Variants in SNTA1 observed in about 807,000 individuals in gnomAD.
The protein encoded by SNTA1 is alpha-1-syntrophin.
Under a neutral mutation model 47.1 loss-of-function variants are expected in SNTA1, and 31 were observed. The ratio of observed to expected loss-of-function variants is 0.66; its 90% CI spans 0.49 to 0.89. The LOEUF (loss-of-function observed/expected upper bound fraction) is 0.89. Among genes scored for constraint, SNTA1 ranks in the 40% least tolerant of loss-of-function variants. The probability of loss-of-function intolerance (pLI) is 0.00; values close to 1 mark genes in which losing one functional copy is unlikely to be tolerated. For synonymous variants in SNTA1, 300 were observed against 313.6 expected (o/e 0.96, Z 0.46); for missense variants, 575 against 693.0 (o/e 0.83, Z 1.91).
At chr20:33,426,099 A>T (rs951984064) in intron 2 of SNTA1, among the ~76,000 whole-genome samples, 4 of 150,300 alleles carry the variant, frequency 2.7e-5, no homozygotes, top group African/African-American at 7.4e-5. Flanking sequence ...ATAAAACATT[A>T]AAAAAAAATA....
chr20:33,426,723 T>C (rs1215131609), intron 2 of SNTA1, among the ~76,000 whole-genome samples: 3 of 150,526 alleles, frequency 2.0e-5, no homozygotes, highest in African/African-American at 4.9e-5. Flanking sequence ...GATCGTGACA[T>C]TGCACTCCAG....
In SNTA1 at chr20:33,417,957, G is replaced by A. The variant is rs373490547; in HGVS notation, c.497-34C>T. On this transcript the variant is annotated intron_variant, in intron 2 of 7. Coordinates refer to ENST00000217381, the MANE Select transcript of SNTA1 (RefSeq NM_003098.3). ...GAGAGACATCAGCAGTCACCACTGT[G>A]ACATGGGCTCCCAGCACATATCACA... 1.6e-4 allele frequency: 225 copies of A among 1,393,912 alleles called. 1 individual carries two copies. The highest frequency in any genetic ancestry group is 7.0e-4 in the Middle Eastern group (4 of 5,690). The allele number at this position is 1,393,912 out of a possible 1,614,324, so 86.3% of individuals were successfully genotyped here. A position where few individuals can be genotyped will look rare whatever the true frequency, so the allele number is the denominator to read the frequency against.
In SNTA1 at chr20:33,408,143, C is replaced by G; in HGVS notation, c.*364G>C. ...GGTACTCCAGCTTCAGATGGGACCT[C>G]TGGGGGTGGCTTAGGGGCCTCGAGG... On this transcript the variant is annotated 3_prime_UTR_variant, in exon 8 of 8. Coordinates refer to ENST00000217381, the MANE Select transcript of SNTA1 (RefSeq NM_003098.3). 1 of 335,796 alleles carries G rather than the reference C, an allele frequency of 3.0e-6. No homozygotes were observed. Among genetic ancestry groups the G allele is most frequent in the East Asian group, 6.6e-5 (1 of 15,230 alleles). The allele number at this position is 335,796 out of a possible 1,614,324, so 20.8% of individuals were successfully genotyped here.
At chr20:33,440,038 T>A (rs1293470883) in intron 1 of SNTA1, among the ~76,000 whole-genome samples, 2 of 151,934 alleles carry the variant, frequency 1.3e-5, no homozygotes, top group Non-Finnish European at 2.9e-5. Flanking sequence ...GGCAGGAGAA[T>A]CACTTGGACC....
At chr20:33,437,354 G>T (rs1366049146) in intron 2 of SNTA1, among the ~76,000 whole-genome samples, 1 of 151,032 alleles carries the variant, frequency 6.6e-6, no homozygotes, top group African/African-American at 2.4e-5. Flanking sequence ...TTGAGCCCCG[G>T]GGGGTGGAGG....
At chr20:33,411,170 C>T (rs547197580) in intron 5 of SNTA1, among the ~76,000 whole-genome samples, 6 of 152,192 alleles carry the variant, frequency 3.9e-5, no homozygotes, top group South Asian at 4.1e-4. Flanking sequence ...CAGTTCCCCC[C>T]GCCACAGACT....
chr20:33,421,883 G>A (rs1198315855), intron 2 of SNTA1, among the ~76,000 whole-genome samples: 2 of 146,816 alleles, frequency 1.4e-5, no homozygotes, highest in South Asian at 2.1e-4. Flanking sequence ...CTTGAGCCCA[G>A]GAGGCAGAGG....
chr20:33,413,622 AG>A (rs1358491688), intron 3 of SNTA1, among the ~76,000 whole-genome samples: 1 of 149,514 alleles, frequency 6.7e-6, no homozygotes, highest in African/African-American at 2.5e-5. Context: ...TAATAAGAGC[AG>A]GGGAAAAAAA....
rs1989645027 is a variant in SNTA1, at chr20:33,408,324, C to G, written c.*183G>C. On this transcript the variant is annotated 3_prime_UTR_variant, in exon 8 of 8. Coordinates refer to ENST00000217381, the MANE Select transcript of SNTA1 (RefSeq NM_003098.3). Reference sequence around the variant, plus strand: ...CACCCCATCACAGGCAGAGTCCACTCTGTCCTGCGTCTGGGTCCTGGGCCC... The same window carrying G: ...CACCCCATCACAGGCAGAGTCCACTGTGTCCTGCGTCTGGGTCCTGGGCCC... 1.6e-6 allele frequency: 1 copy of G among 644,984 alleles called. No homozygotes were observed. Among genetic ancestry groups the G allele is most frequent in the South Asian group, 1.7e-5 (1 of 58,582 alleles). 40.0% of individuals were successfully genotyped at this position (644,984 alleles called of 1,614,324 possible).
intron 2 of SNTA1, among the ~76,000 whole-genome samples, chr20:33,436,430 C>T (rs555097921): frequency 6.6e-6 from 1 of 152,226 alleles, no homozygotes; most frequent in East Asian, 1.9e-4. Flanking sequence ...GGGAAAGTCT[C>T]TTATATCCAT....
chr20:33,435,682 T>G (rs1357636469), intron 2 of SNTA1, among the ~76,000 whole-genome samples: 1 of 152,100 alleles, frequency 6.6e-6, no homozygotes, highest in African/African-American at 2.4e-5. Flanking sequence ...AGGCCCTGGG[T>G]GTAGTTTAGC....
intron 2 of SNTA1, among the ~76,000 whole-genome samples, chr20:33,425,184 G>A (rs1024541842): frequency 2.0e-5 from 3 of 152,096 alleles, no homozygotes; most frequent in African/African-American, 7.2e-5. Context: ...GGCTGAGATG[G>A]GAGGATCACT....
intron 2 of SNTA1, among the ~76,000 whole-genome samples, chr20:33,431,875 C>G (rs1990316709): frequency 6.6e-6 from 1 of 152,174 alleles, no homozygotes; most frequent in Admixed American, 6.6e-5. Flanking sequence ...TTTCCTCCAC[C>G]ACCAGCAGCA....
chr20:33,417,582 C>A (rs936411950), intron 3 of SNTA1, 137 bp downstream of exon 3: 21 of 692,634 alleles, frequency 3.0e-5, no homozygotes, highest in Non-Finnish European at 4.4e-5. Context: ...GGCTTCCAGT[C>A]AATCTATTTT....
In SNTA1 at chr20:33,438,853, C is replaced by T. The variant is rs1182058551; in HGVS notation, c.484G>A (p.Val162Met). 6.2e-7 allele frequency: 1 copy of T among 1,613,898 alleles called. No homozygotes were observed. Among genetic ancestry groups the T allele is most frequent in the South Asian group, 1.1e-5 (1 of 91,076 alleles). ...VQVLKKTGKEVVLEVKYMKDV... is the reference protein window; with the variant it reads ...VQVLKKTGKEMVLEVKYMKDV... ...CGTCAGTGCTTACCCTCCAGCACCA[C>T]CTCCTTGCCTGTCTTCTTGAGGACC... Residue 162 changes from valine to methionine, a missense_variant, in exon 2 of 8, where the codon GTG (valine) becomes ATG (methionine). Coordinates refer to ENST00000217381, the MANE Select transcript of SNTA1 (RefSeq NM_003098.3).
At chr20:33,428,957 C>T (rs1009186337) in intron 2 of SNTA1, among the ~76,000 whole-genome samples, 4 of 151,924 alleles carry the variant, frequency 2.6e-5, no homozygotes, top group Non-Finnish European at 4.4e-5. Context: ...AGGAAAACTG[C>T]TTGAACCTGA....
intron 2 of SNTA1, among the ~76,000 whole-genome samples, chr20:33,420,909 G>T (rs748855793): frequency 6.6e-6 from 1 of 151,044 alleles, no homozygotes; most frequent in Non-Finnish European, 1.5e-5. Flanking sequence ...GCTTGAACCC[G>T]GGAGGCGGAG....
At chr20:33,416,376 T>A (rs1432236546) in intron 3 of SNTA1, among the ~76,000 whole-genome samples, 1 of 152,182 alleles carries the variant, frequency 6.6e-6, no homozygotes, top group East Asian at 1.9e-4. Flanking sequence ...CCAAATATGC[T>A]CCATTTAGCC....
At chr20:33,411,914 G>T (rs879675745) in intron 5 of SNTA1, among the ~76,000 whole-genome samples, 1 of 152,068 alleles carries the variant, frequency 6.6e-6, no homozygotes, top group African/African-American at 2.4e-5. Flanking sequence ...CCTCCCTGAA[G>T]CCTTCCTCTA....
Sources: gnomAD v4.1 joint callset for allele counts (sites outside exome capture counted in the v4.1 genomes callset) on GRCh38, gnomAD v4.1.1 for gene constraint, MANE v1.5 for transcripts, NCBI Gene and HGNC (gene_info 2026-07-23, HGNC 2026-07-21) for gene names.